Variants in BCAS3 observed in about 807,000 individuals in gnomAD.
The protein encoded by BCAS3 is BCAS4/BCAS3 fusion.
A neutral mutation model predicts 116.1 loss-of-function variants in BCAS3; 53 were observed. The ratio of observed to expected loss-of-function variants is 0.46; its 90% CI spans 0.37 to 0.57. BCAS3 has a LOEUF of 0.57. BCAS3 is among the 20% of genes least tolerant of loss of function. The pLI is 0.00. For missense variants in BCAS3, 917 were observed against 1,165.4 expected, an observed-to-expected ratio of 0.79 and a Z score of 3.10; for synonymous variants, 391 against 408.2, an observed-to-expected ratio of 0.96 and a Z score of 0.51.
Position 61,249,368 on chromosome 17 carries a change from C to G in BCAS3, c.2426-118959C>G, listed in dbSNP as rs2048202593. 6.6e-6 allele frequency among the ~76,000 whole-genome samples: 1 copy of G among 152,142 alleles called. No individual in the cohort carries two copies. The highest frequency in any genetic ancestry group is 6.6e-5 in the Admixed American group (1 of 15,266). ...AGTGGGTATTTGGCTCAGTTCAGGC[C>G]TGTGCCTTTTTTTGATGTTCCCAGA... On this transcript the variant is annotated intron_variant, in intron 22 of 23. Transcript: ENST00000407086. The surrounding 1 kb of genome is among the most constrained non-coding windows in gnomAD (Gnocchi z 6.2).
At chr17:60,936,686 A>C (rs971459256) in intron 13 of BCAS3, among the ~76,000 whole-genome samples, 1 of 151,870 alleles carries the variant, frequency 6.6e-6, no homozygotes, top group Admixed American at 6.6e-5. Context: ...CATATCCTTC[A>C]CCCACTTTTT....
chr17:60,763,664 T>G (rs1598536504), intron 6 of BCAS3, among the ~76,000 whole-genome samples: 2 of 151,578 alleles, frequency 1.3e-5, no homozygotes, highest in Non-Finnish European at 2.9e-5. Flanking sequence ...TCTCTTTTTT[T>G]GTTGTGTCTC....
At position 61,281,669 on chromosome 17, in the gene BCAS3, T is replaced by C. The variant is rs2051256656; in HGVS notation, c.2426-86658T>C. 6.6e-6 allele frequency among the ~76,000 whole-genome samples: 1 copy of C among 152,180 alleles called. No homozygotes were observed. The highest frequency in any genetic ancestry group is 1.5e-5 in the Non-Finnish European group (1 of 68,026). On this transcript the variant is annotated intron_variant, in intron 22 of 23. Coordinates refer to ENST00000407086, the MANE Select transcript of BCAS3 (RefSeq NM_017679.5). This position sits in a 1 kb window ranked among gnomAD's most constrained non-coding sequence, Gnocchi z 4.2. The stretch of plus-strand genomic sequence containing the variant: ...ACCCATCTTTATACTGGGTTTTTTA[T>C]CTTATTCATATTGATTTGGAGGAGC...
intron 5 of BCAS3, among the ~76,000 whole-genome samples, chr17:60,723,452 C>T (rs1016786961): frequency 6.6e-6 from 1 of 152,050 alleles, no homozygotes; most frequent in Non-Finnish European, 1.5e-5. Context: ...TCTCAAACTC[C>T]TGGCCTCAAG....
chr17:60,740,487 A>G (rs1199581136), intron 5 of BCAS3, among the ~76,000 whole-genome samples: 9 of 144,592 alleles, frequency 6.2e-5, no homozygotes, highest in African/African-American at 2.4e-4. Flanking sequence ...TGACAGGGTG[A>G]GACCCTGTCT....
rs909125403 is a variant in BCAS3, at chr17:61,352,576, G to A, written c.2426-15751G>A. On this transcript the variant is annotated intron_variant, in intron 22 of 23. Coordinates refer to ENST00000407086, the MANE Select transcript of BCAS3 (RefSeq NM_017679.5). The surrounding 1 kb of genome is among the most constrained non-coding windows in gnomAD (Gnocchi z 4.7). ...GAGGGGTGATGCTGACCCCACACTC[G>A]AGCCACAGCCTCGGAATCTCTTTAC... Among the ~76,000 whole-genome samples the A allele has an allele frequency of 1.3e-5, 2 of 152,138 alleles. No individual in the cohort carries two copies. Among genetic ancestry groups the A allele is most frequent in the African/African-American group, 2.4e-5 (1 of 41,430 alleles).
chr17:61,114,851 T>C (rs2075323251), intron 22 of BCAS3, among the ~76,000 whole-genome samples: 1 of 151,240 alleles, frequency 6.6e-6, no homozygotes, highest in African/African-American at 2.4e-5. Context: ...ACTACAAGGC[T>C]ACAGTAACCA....
rs150895790 is a variant in BCAS3 at position 61,319,128 on chromosome 17, C to G, written c.2426-49199C>G. 1.1e-4 allele frequency among the ~76,000 whole-genome samples: 17 copies of G among 152,290 alleles called. No homozygotes were observed. In the East Asian group the frequency reaches 3.3e-3, roughly 29 times the overall value. On this transcript the variant is annotated intron_variant, in intron 22 of 23. Transcript: ENST00000407086. ...AAGATTGGGAGAATGCACAGTTACT[C>G]GCAACTCCTTTTTCTCCCTCTACCC...
At chr17:60,714,761 A>G (rs897136783) in intron 5 of BCAS3, among the ~76,000 whole-genome samples, 1 of 151,872 alleles carries the variant, frequency 6.6e-6, no homozygotes, top group Admixed American at 6.6e-5. Context: ...AATGGAACTT[A>G]GATGATGTCT....
intron 22 of BCAS3, among the ~76,000 whole-genome samples, chr17:61,269,043 C>T (rs2050007471): frequency 6.6e-6 from 1 of 152,024 alleles, no homozygotes; most frequent in African/African-American, 2.4e-5. Context: ...TTGCCTCCAT[C>T]TCTTTGACTA....
chr17:60,806,382 G>A (rs989306954), intron 6 of BCAS3, among the ~76,000 whole-genome samples: 2 of 152,104 alleles, frequency 1.3e-5, no homozygotes, highest in Admixed American at 6.6e-5. Context: ...TCAAAGAGCC[G>A]GTCAGCGTGT....
At chr17:60,760,309 A>G (rs10853023) in intron 6 of BCAS3, among the ~76,000 whole-genome samples, 111,880 of 151,998 alleles carry the variant, frequency 0.74, 47,041 homozygotes, top group South Asian at 0.98. Flanking sequence ...ATTTTTGTGC[A>G]TTTTCATGAT....
At chr17:60,910,913 A>G (rs1441617981) in intron 12 of BCAS3, among the ~76,000 whole-genome samples, 3 of 152,162 alleles carry the variant, frequency 2.0e-5, no homozygotes, top group African/African-American at 4.8e-5. Context: ...CCTGAAGGTA[A>G]AGTCGAGGTT....
chr17:60,770,865 T>G (rs1233160264), intron 6 of BCAS3, among the ~76,000 whole-genome samples: 11 of 124,862 alleles, frequency 8.8e-5, no homozygotes, highest in Admixed American at 7.1e-4. Context: ...TTTTTTTTTT[T>G]GAGACAGGGT....
chr17:61,117,650 T>G (rs548087946), intron 22 of BCAS3, among the ~76,000 whole-genome samples: 2 of 152,250 alleles, frequency 1.3e-5, no homozygotes, highest in East Asian at 3.9e-4. Flanking sequence ...TTTTTATATC[T>G]TTTACTTGTT....
Position 61,034,069 on chromosome 17 carries a change from T to G in BCAS3, c.1638-597T>G, listed in dbSNP as rs1693973710. On this transcript the variant is annotated intron_variant, in intron 16 of 23. Transcript: ENST00000407086. This position sits in a 1 kb window ranked among gnomAD's most constrained non-coding sequence, Gnocchi z 5.0. ...AGAAGAAAAAGAGACAACAGGAAGA[T>G]CAGTGAATATAATTGCATTAGATGA... is the stretch of plus-strand genomic sequence containing the variant. Among the ~76,000 whole-genome samples, 1 of 152,198 alleles carries G rather than the reference T, an allele frequency of 6.6e-6. No homozygotes were observed. Among genetic ancestry groups the G allele is most frequent in the African/African-American group, 2.4e-5 (1 of 41,454 alleles).
rs547212828 is a variant in BCAS3 at position 61,241,502 on chromosome 17, G to A, written c.2426-126825G>A. On this transcript the variant is annotated intron_variant, in intron 22 of 23. Coordinates refer to ENST00000407086, the MANE Select transcript of BCAS3 (RefSeq NM_017679.5). The surrounding 1 kb of genome is among the most constrained non-coding windows in gnomAD (Gnocchi z 4.6). Reference sequence around the variant, plus strand: ...CGAGGCAGGCGGATCACGAGGTCAGGAGATCAAGACCATCCTCGCTAACAC... The same window carrying A: ...CGAGGCAGGCGGATCACGAGGTCAGAAGATCAAGACCATCCTCGCTAACAC... Among the ~76,000 whole-genome samples, 1 of 151,882 alleles carries A rather than the reference G, an allele frequency of 6.6e-6. No individual in the cohort carries two copies. The highest frequency in any genetic ancestry group is 2.4e-5 in the African/African-American group (1 of 41,314).
At position 61,097,780 on chromosome 17, in the gene BCAS3, T is replaced by A. The variant is rs2074073006; in HGVS notation, c.2425+13216T>A. On this transcript the variant is annotated intron_variant, in intron 22 of 23. Transcript: ENST00000407086. The surrounding 1 kb of genome is among the most constrained non-coding windows in gnomAD (Gnocchi z 4.0). ...TTTAGCAATAGTCAAAGAACAGGAC[T>A]TAGGACACCTAGCTCCTGATACTTA... Among the ~76,000 whole-genome samples the A allele has an allele frequency of 6.6e-6, 1 of 152,232 alleles. No individual in the cohort carries two copies. Among genetic ancestry groups the A allele is most frequent in the Non-Finnish European group, 1.5e-5 (1 of 68,044 alleles).
chr17:61,357,258 A>T (rs200004697), intron 22 of BCAS3, among the ~76,000 whole-genome samples: 3,311 of 130,152 alleles, frequency 0.025, 45 homozygotes, highest in Middle Eastern at 0.055. Context: ...ATAAATAAAT[A>T]AATAAATAAA....
Sources: allele counts gnomAD v4.1 joint callset (sites outside exome capture counted in the v4.1 genomes callset), GRCh38; gene constraint gnomAD v4.1.1; non-coding constraint Gnocchi (gnomAD v3.1); transcripts MANE v1.5; gene names NCBI Gene and HGNC (gene_info 2026-07-23, HGNC 2026-07-21).